TET2: variants seen among roughly 807,000 people sequenced by gnomAD.
TET2 encodes the protein tet methylcytosine dioxygenase 2.
TET2 carries 299 observed loss-of-function variants against 142.9 expected under a neutral mutation model. The observed-to-expected ratio is 2.09, with a 90% confidence interval of 1.90 to 2.30. The LOEUF is 2.30. TET2 is among the 30% of genes most tolerant of loss of function. TET2 has a pLI of 0.00. For missense variants in TET2, 2,418 were observed against 2,378.0 expected (o/e 1.02, Z -0.35); for synonymous variants, 819 against 849.0 (o/e 0.96, Z 0.61).
intron 2 of TET2, among the ~76,000 whole-genome samples, chr4:105,200,117 A>C (rs1726358952): frequency 6.6e-6 from 1 of 152,114 alleles, no homozygotes; most frequent in East Asian, 1.9e-4. Context: ...AGGAATCGCT[A>C]CACTGTCTTC....
chr4:105,227,499 TC>T (rs916640232), intron 2 of TET2, among the ~76,000 whole-genome samples: 3 of 129,208 alleles, frequency 2.3e-5, no homozygotes, highest in Non-Finnish European at 4.4e-5. Flanking sequence ...GTGTAGACCT[TC>T]AATAGCAAGG....
chr4:105,256,664 A>G (rs1346973957), intron 6 of TET2, among the ~76,000 whole-genome samples: 1 of 151,992 alleles, frequency 6.6e-6, no homozygotes, highest in Non-Finnish European at 1.5e-5. Context: ...TTCGGCCATT[A>G]TTTTTCAAAT....
Position 105,243,745 on chromosome 4 carries a change from C to T in TET2, c.3770C>T (p.Thr1257Met), listed in dbSNP as rs937035385. Residue 1257 changes from threonine to methionine, a missense_variant, in exon 6 of 11, where the codon ACG becomes ATG. Coordinates refer to ENST00000380013, the MANE Select transcript of TET2 (RefSeq NM_001127208.3). ...ACCGAGACGCTGAGGAAATACGGCA[C>T]GCTCACCAATCGCCGGTGTGCCTTG... ...ELTETLRKYG[T>M]LTNRRCALNE... is the part of the protein sequence containing the mutation. 29 of 1,551,398 alleles carry T rather than the reference C, an allele frequency of 1.9e-5. No homozygotes were observed. Among genetic ancestry groups the T allele is most frequent in the Admixed American group, 5.9e-5 (3 of 50,964 alleles).
chr4:105,189,299 C>G (rs1308729249), intron 1 of TET2, among the ~76,000 whole-genome samples: 1 of 152,050 alleles, frequency 6.6e-6, no homozygotes, highest in South Asian at 2.1e-4. Context: ...CCAAGAACCC[C>G]GGGAACCTGA....
chr4:105,275,013 A>G (rs897644984), intron 10 of TET2, 35 bp from the exon 11 acceptor site: 2 of 1,466,616 alleles, frequency 1.4e-6, no homozygotes, highest in Admixed American at 2.8e-5. Flanking sequence ...AACATCAAAG[A>G]TACCTGTTTC....
chr4:105,237,936 C>A lies in TET2; in HGVS notation c.3409+585C>A, dbSNP rs572355769. Reference sequence around the variant, plus strand: ...TGTGATTTATATTCATTTTGATTCCCTTTTCTCTAAAATTTCATCTTTTTG... The same window carrying A: ...TGTGATTTATATTCATTTTGATTCCATTTTCTCTAAAATTTCATCTTTTTG... On this transcript the variant is annotated intron_variant, in intron 3 of 10. Transcript: ENST00000380013. 8.3e-5 allele frequency: 84 copies of A among 1,009,812 alleles called. No individual in the cohort carries two copies. In the African/African-American group the frequency reaches 1.1e-3, roughly 14 times the overall value. The allele number at this position is 1,009,812 out of a possible 1,614,324, so 62.6% of individuals were successfully genotyped here.
chr4:105,229,504 T>G (rs1018033050), intron 2 of TET2, among the ~76,000 whole-genome samples: 8 of 151,878 alleles, frequency 5.3e-5, no homozygotes, highest in Non-Finnish European at 1.2e-4. Context: ...AGTGGCGGTG[T>G]TTGACCACGT....
intron 2 of TET2, among the ~76,000 whole-genome samples, chr4:105,201,157 G>C (rs946179774): frequency 2.6e-5 from 4 of 152,082 alleles, no homozygotes; most frequent in African/African-American, 9.7e-5. Context: ...TTATCTGTCT[G>C]AATCATTAAA....
intron 6 of TET2, among the ~76,000 whole-genome samples, chr4:105,252,332 T>G (rs983272864): frequency 9.9e-5 from 15 of 152,232 alleles, no homozygotes; most frequent in African/African-American, 3.6e-4. Flanking sequence ...CTTTTAAATT[T>G]TCCACCATGT....
At position 105,261,833 on chromosome 4, in the gene TET2, T is replaced by C; in HGVS notation, c.4029T>C (p.Asp1343=). 1 of 1,545,984 alleles carries C rather than the reference T, an allele frequency of 6.5e-7. No individual in the cohort carries two copies. The highest frequency in any genetic ancestry group is 8.7e-7 in the Non-Finnish European group (1 of 1,142,942). Reference sequence around the variant, plus strand: ...CAACATATAAGAAACTTGCACCTGATGCATATAATAATCAGGTAAGTTTAA... The same window carrying C: ...CAACATATAAGAAACTTGCACCTGACGCATATAATAATCAGGTAAGTTTAA... ...MAPTYKKLAP[D]AYNNQIEYEH... is the part of the protein sequence containing the mutation. The change falls in exon 8 of 11, where the codon GAT becomes GAC. Residue 1343 remains aspartate (D), a synonymous_variant. Coordinates refer to ENST00000380013, the MANE Select transcript of TET2 (RefSeq NM_001127208.3).
rs147591998 is a variant in TET2, at chr4:105,235,866, C to G, written c.1924C>G (p.Gln642Glu). 5.6e-6 allele frequency: 9 copies of G among 1,613,952 alleles called. No homozygotes were observed. Among genetic ancestry groups the G allele is most frequent in the Non-Finnish European group, 7.6e-6 (9 of 1,179,962 alleles). ...GTACCAAGTTGAAATGAATCAAGGG[C>G]AGTCCCAAGGTACAGTGGACCAACA... The part of the protein sequence containing the change: ...QMYQVEMNQG[Q>E]SQGTVDQHLQ... The change falls in exon 3 of 11, where the codon CAG becomes GAG. Residue 642 changes from glutamine (Q) to glutamate (E), a missense_variant. By Grantham distance (29) the Gln-to-Glu change is conservative (BLOSUM62 2). Transcript: ENST00000380013.
chr4:105,274,689 G>A (rs1003711645), intron 10 of TET2, among the ~76,000 whole-genome samples: 1 of 152,146 alleles, frequency 6.6e-6, no homozygotes. Flanking sequence ...TGAGGTCAAA[G>A]CGGTCCCTTG....
rs563309752 is a variant in TET2, at chr4:105,279,052, T to C, written c.*2533T>C. ...TCTTTGTAAGCTGGCTTTTGTCTTT[T>C]TAAAAAATTTCTTGAATTTGTGGTT... On this transcript the variant is annotated 3_prime_UTR_variant, in exon 11 of 11. Transcript: ENST00000380013. 1.7e-5 allele frequency: 4 copies of C among 232,910 alleles called. No individual in the cohort carries two copies. In the South Asian group the frequency reaches 7.2e-4, roughly 42 times the overall value. The allele number at this position is 232,910 out of a possible 1,614,324, so 14.4% of individuals were successfully genotyped here.
intron 2 of TET2, among the ~76,000 whole-genome samples, chr4:105,223,261 C>T (rs1270455601): frequency 6.6e-6 from 1 of 152,078 alleles, no homozygotes; most frequent in African/African-American, 2.4e-5. Context: ...ATATAGGAAA[C>T]ATTATATTCC....
rs762346436 is a variant in TET2 at position 105,269,693 on chromosome 4, C to T, written c.4128C>T (p.Asp1376=). 2.6e-6 allele frequency: 4 copies of T among 1,551,536 alleles called. No individual in the cohort carries two copies. In the African/African-American group the frequency reaches 5.5e-5, roughly 21 times the overall value. The change falls in exon 9 of 11, where the codon GAC becomes GAT. Residue 1376 remains aspartate (D), a synonymous_variant. Transcript: ENST00000380013. ...TCTCAGGGGTCACTGCATGTTTGGA[C>T]TTCTGTGCTCATGCCCACAGAGACT... ...RPFSGVTACL[D]FCAHAHRDLH...
intron 1 of TET2, among the ~76,000 whole-genome samples, chr4:105,167,219 T>C (rs1352981308): frequency 6.6e-6 from 1 of 152,118 alleles, no homozygotes; most frequent in Non-Finnish European, 1.5e-5. Flanking sequence ...TATTCTCTGA[T>C]TGATTCTTTT....
chr4:105,173,452 G>A lies in TET2; in HGVS notation c.-192-16908G>A, dbSNP rs147106965. Among the ~76,000 whole-genome samples the A allele has an allele frequency of 9.7e-4, 147 of 151,896 alleles. 1 individual carries two copies. Among genetic ancestry groups the A allele is most frequent in the African/African-American group, 3.4e-3 (141 of 41,454 alleles). On this transcript the variant is annotated intron_variant, in intron 1 of 10. Transcript: ENST00000380013. ...GGAGGCTGAGGCAGGAGAATCGATT[G>A]AACCCAGGAGGTGGAGGTTGCAGTG...
At chr4:105,210,551 A>G (rs1401670785) in intron 2 of TET2, among the ~76,000 whole-genome samples, 1 of 152,136 alleles carries the variant, frequency 6.6e-6, no homozygotes, top group Non-Finnish European at 1.5e-5. Context: ...ACCCACTTTA[A>G]TGATAATGTA....
At chr4:105,263,721 G>C (rs906696325) in intron 8 of TET2, among the ~76,000 whole-genome samples, 1 of 152,104 alleles carries the variant, frequency 6.6e-6, no homozygotes, top group African/African-American at 2.4e-5. Flanking sequence ...AGGAATGAAA[G>C]GAGGTTTTCA....
Sources: gnomAD v4.1 joint callset for allele counts (sites outside exome capture counted in the v4.1 genomes callset) on GRCh38, gnomAD v4.1.1 for gene constraint, MANE v1.5 for transcripts, NCBI Gene and HGNC (gene_info 2026-07-23, HGNC 2026-07-21) for gene names.